BAZ1B: variants seen among roughly 807,000 people sequenced by gnomAD.
BAZ1B encodes the protein bromodomain adjacent to zinc finger domain 1B.
A neutral mutation model predicts 153.8 loss-of-function variants in BAZ1B; 22 were observed. The ratio of observed to expected loss-of-function variants is 0.14; its 90% CI spans 0.10 to 0.20. The LOEUF (loss-of-function observed/expected upper bound fraction) is 0.20. BAZ1B is among the 10% of genes least tolerant of loss of function. The pLI is 1.00. For missense variants in BAZ1B, 1,325 were observed against 1,799.3 expected (o/e 0.74, Z 4.77); for synonymous variants, 676 against 633.4 (o/e 1.07, Z -1.01).
chr7:73,516,772 CAAAAAAAAAAAAA>C (rs71517390), intron 1 of BAZ1B, among the ~76,000 whole-genome samples: 9 of 53,454 alleles, frequency 1.7e-4, no homozygotes, highest in Admixed American at 6.0e-4. Flanking sequence ...GTGACTGTCT[CAAAAAAAAAAAAA>C]AAAAAAAAAA....
intron 19 of BAZ1B, chr7:73,441,923 T>G (rs1463570892): frequency 2.1e-6 from 1 of 476,830 alleles, no homozygotes; most frequent in Non-Finnish European, 3.7e-6. Context: ...AGGAACTGGC[T>G]TCACCAGAAA....
At chr7:73,453,435 T>C (rs1196718193) in intron 13 of BAZ1B, among the ~76,000 whole-genome samples, 5 of 152,230 alleles carry the variant, frequency 3.3e-5, no homozygotes, top group African/African-American at 1.2e-4. Flanking sequence ...ATGAGAACCC[T>C]ACAGTGATGG....
At position 73,476,994 on chromosome 7, in the gene BAZ1B, C is replaced by G; in HGVS notation, c.2467G>C (p.Glu823Gln). Reference protein sequence around the residue: ...NGLGKTDRKKEIVKFEPQVDT... With the variant: ...NGLGKTDRKKQIVKFEPQVDT... The stretch of plus-strand genomic sequence containing the variant: ...ACTTGGGGCTCAAACTTCACAATTT[C>G]TTTTTTCCTATCAGTTTTGCCTAAC... Residue 823 changes from glutamate to glutamine, a missense_variant, in exon 7 of 20, where the codon GAA (glutamate) becomes CAA (glutamine). Glu to Gln is a conservative substitution (Grantham distance 29). Around this residue, in one of 9 missense-constraint regions of BAZ1B, gnomAD observed 431 missense variants for 563.5 expected, o/e 0.76. Transcript: ENST00000339594. The G allele has an allele frequency of 6.2e-7, 1 of 1,614,202 alleles. No individual in the cohort carries two copies. Among genetic ancestry groups the G allele is most frequent in the Non-Finnish European group, 8.5e-7 (1 of 1,180,030 alleles).
chr7:73,465,383 T>C (rs1434200281), intron 11 of BAZ1B, 56 bp downstream of exon 11: 6 of 1,191,512 alleles, frequency 5.0e-6, no homozygotes, highest in African/African-American at 1.6e-5. Context: ...CCTCAGATAT[T>C]TATATCCAAT....
chr7:73,475,206 C>A (rs549581912), intron 7 of BAZ1B, among the ~76,000 whole-genome samples: 8 of 152,324 alleles, frequency 5.3e-5, no homozygotes, highest in South Asian at 2.1e-4. Flanking sequence ...TATGACCCAA[C>A]AATCTTATTC....
chr7:73,520,667 G>A (rs1443499312), intron 1 of BAZ1B, among the ~76,000 whole-genome samples: 2 of 152,128 alleles, frequency 1.3e-5, no homozygotes, highest in African/African-American at 2.4e-5. Flanking sequence ...TCCCCACAAA[G>A]GGACACTCAC....
At chr7:73,487,185 T>C (rs782046335) in intron 6 of BAZ1B, among the ~76,000 whole-genome samples, 8 of 152,210 alleles carry the variant, frequency 5.3e-5, no homozygotes, top group South Asian at 2.1e-4. Flanking sequence ...AAGCCCCCAC[T>C]AGAAATTCTG....
rs1306136882 is a variant in BAZ1B at position 73,508,200 on chromosome 7, T to C, written c.369+127A>G. 10 of 1,067,820 alleles carry C rather than the reference T, an allele frequency of 9.4e-6. No homozygotes were observed. The African/African-American group carries it at 1.6e-4, about 17-fold the overall frequency. 66.1% of individuals were successfully genotyped at this position (1,067,820 alleles called of 1,614,324 possible). On this transcript the variant is annotated intron_variant, in intron 3 of 19. Transcript: ENST00000339594. ...ACACACAAGTATTAACGTAAAGTAT[T>C]AATACTTAACATTAAATATAATACT... is the stretch of plus-strand genomic sequence containing the variant.
intron 17 of BAZ1B, 129 bp downstream of exon 17, chr7:73,443,855 C>T: frequency 7.1e-7 from 1 of 1,408,398 alleles, no homozygotes; most frequent in Non-Finnish European, 9.8e-7. Flanking sequence ...GCCTCCCCAG[C>T]CTCCCAAGTT....
intron 8 of BAZ1B, 100 bp downstream of exon 8, chr7:73,470,245 A>G (rs188434663): frequency 1.8e-6 from 2 of 1,123,838 alleles, no homozygotes; most frequent in Non-Finnish European, 2.5e-6. Context: ...TGGAAAACTG[A>G]AGAGAGAAGC....
At chr7:73,497,326 T>TA (rs1554576511) in intron 4 of BAZ1B, among the ~76,000 whole-genome samples, 4 of 152,124 alleles carry the variant, frequency 2.6e-5, no homozygotes, top group Non-Finnish European at 5.9e-5. Context: ...TGAGGTCACT[T>TA]CAACAGCAAC....
rs1401115348 is a variant in BAZ1B at position 73,470,285 on chromosome 7, CCTAA to C, written c.2732+56_2732+59del. On this transcript the variant is annotated intron_variant, in intron 8 of 19. Transcript: ENST00000339594. ...CTATTCTTGTACTTTAGAAAATTTT[CCTAA>C]CTAATAGCAATGTAAATAGTCCTAA... The C allele has an allele frequency of 7.0e-5, 104 of 1,485,682 alleles. No homozygotes were observed. In the East Asian group the frequency reaches 2.1e-3, roughly 30 times the overall value. 92.0% of individuals were successfully genotyped at this position (1,485,682 alleles called of 1,614,324 possible).
chr7:73,496,323 C>T (rs1789891941), intron 4 of BAZ1B, among the ~76,000 whole-genome samples: 1 of 152,184 alleles, frequency 6.6e-6, no homozygotes, highest in Non-Finnish European at 1.5e-5. Context: ...GAAGTATCAA[C>T]AACTTGGGAT....
intron 2 of BAZ1B, among the ~76,000 whole-genome samples, chr7:73,509,521 A>G (rs1583952710): frequency 6.6e-6 from 1 of 151,120 alleles, no homozygotes; most frequent in Non-Finnish European, 1.5e-5. Flanking sequence ...GGAGTTTGAG[A>G]CCAGCCTGGC....
chr7:73,493,829 AC>A (rs2116394765), intron 4 of BAZ1B, among the ~76,000 whole-genome samples: 1 of 139,876 alleles, frequency 7.1e-6, no homozygotes, highest in East Asian at 2.1e-4. Flanking sequence ...ACAGAGTGAA[AC>A]CCTGTCTCCA....
At chr7:73,461,996 G>C (rs782323705) in intron 12 of BAZ1B, among the ~76,000 whole-genome samples, 2 of 152,146 alleles carry the variant, frequency 1.3e-5, no homozygotes, top group African/African-American at 2.4e-5. Context: ...CGACCTGCTG[G>C]GCTCAAGCAA....
intron 1 of BAZ1B, among the ~76,000 whole-genome samples, chr7:73,515,538 T>C (rs1350576942): frequency 6.8e-6 from 1 of 147,074 alleles, no homozygotes; most frequent in Non-Finnish European, 1.5e-5. Context: ...TTCCTTTTTT[T>C]TTTTTTTTTT....
chr7:73,506,469 A>G (rs1260490127), intron 3 of BAZ1B, among the ~76,000 whole-genome samples: 2 of 151,210 alleles, frequency 1.3e-5, no homozygotes, highest in African/African-American at 4.9e-5. Context: ...ACTGCACTCC[A>G]GCCTAGGCAA....
intron 7 of BAZ1B, 104 bp from the exon 8 acceptor site, chr7:73,470,587 T>C: frequency 7.4e-7 from 1 of 1,342,812 alleles, no homozygotes; most frequent in Non-Finnish European, 1.0e-6. Context: ...ACAGTAGTTA[T>C]CAAATCTTAG....
Sources: allele counts gnomAD v4.1 joint callset (sites outside exome capture counted in the v4.1 genomes callset), GRCh38; gene constraint gnomAD v4.1.1; regional missense constraint gnomAD v4.1.1; transcripts MANE v1.5; gene names NCBI Gene and HGNC (gene_info 2026-07-23, HGNC 2026-07-21).